MAPK8: variants seen among roughly 807,000 people sequenced by gnomAD.
MAPK8 encodes the protein JUN N-terminal kinase.
A neutral mutation model predicts 52.9 loss-of-function variants in MAPK8; 13 were observed. The observed-to-expected ratio is 0.25, with a 90% CI of 0.16 to 0.39. The LOEUF is 0.39. MAPK8 is among the 10% of genes least tolerant of loss of function. MAPK8 has a pLI of 1.00. For synonymous variants in MAPK8, 191 were observed against 169.8 expected (o/e 1.12, Z -0.97); for missense variants, 300 against 519.2 (o/e 0.58, Z 4.10).
chr10:48,346,554 G>A (rs1845803955), intron 1 of MAPK8, among the ~76,000 whole-genome samples: 1 of 152,148 alleles, frequency 6.6e-6, no homozygotes, highest in Admixed American at 6.5e-5. Flanking sequence ...GAAGCAGGGG[G>A]GAGGGTCTCC....
intron 1 of MAPK8, among the ~76,000 whole-genome samples, chr10:48,335,513 A>G (rs997378507): frequency 6.6e-5 from 10 of 152,220 alleles, no homozygotes; most frequent in Admixed American, 1.3e-4. Flanking sequence ...CAAATTTTGC[A>G]AAATTTTAAT....
chr10:48,404,830 G>T lies in MAPK8; in HGVS notation c.123-22G>T, dbSNP rs1400594552. The T allele has an allele frequency of 3.8e-6, 6 of 1,576,358 alleles. No individual in the cohort carries two copies. In the Admixed American group the frequency reaches 7.7e-5, roughly 20 times the overall value. On this transcript the variant is annotated intron_variant, in intron 2 of 11. Transcript: ENST00000374189. ...ATTTTTGCTTGAAGTTTTTTTGTGTGTTTTTGAATTTCTTATTACAGCGCA... is the reference window on the plus strand; with the variant it reads ...ATTTTTGCTTGAAGTTTTTTTGTGTTTTTTTGAATTTCTTATTACAGCGCA...
intron 1 of MAPK8, among the ~76,000 whole-genome samples, chr10:48,338,822 GAC>G (rs60922989): frequency 0.037 from 5,532 of 151,546 alleles, 282 homozygotes; most frequent in African/African-American, 0.11. Context: ...ATTTACAATA[GAC>G]ACACACAAAC....
At chr10:48,365,514 G>A (rs1847952406) in intron 1 of MAPK8, among the ~76,000 whole-genome samples, 1 of 151,932 alleles carries the variant, frequency 6.6e-6, no homozygotes, top group South Asian at 2.1e-4. Flanking sequence ...CTTTTTTTAT[G>A]TATTATCAGA....
chr10:48,330,057 G>A (rs911788806), intron 1 of MAPK8, among the ~76,000 whole-genome samples: 1 of 152,138 alleles, frequency 6.6e-6, no homozygotes, highest in African/African-American at 2.4e-5. Flanking sequence ...GCACATGTGA[G>A]AGAGATTTAT....
chr10:48,366,943 T>A (rs1564537211), intron 1 of MAPK8, among the ~76,000 whole-genome samples: 1 of 152,204 alleles, frequency 6.6e-6, no homozygotes, highest in Non-Finnish European at 1.5e-5. Context: ...ATTTCAATAT[T>A]GTTTTCCTAA....
At chr10:48,335,188 C>G (rs1844568774) in intron 1 of MAPK8, among the ~76,000 whole-genome samples, 1 of 152,178 alleles carries the variant, frequency 6.6e-6, no homozygotes, top group Admixed American at 6.5e-5. Context: ...CACAATGGCA[C>G]TCTTTTCACC....
intron 1 of MAPK8, among the ~76,000 whole-genome samples, chr10:48,318,818 C>A (rs754256045): frequency 6.6e-6 from 1 of 152,042 alleles, no homozygotes; most frequent in African/African-American, 2.4e-5. Context: ...GGAGGCTAGA[C>A]GAACAAGAAA....
intron 1 of MAPK8, among the ~76,000 whole-genome samples, chr10:48,388,135 C>G (rs1256340756): frequency 1.3e-5 from 2 of 152,138 alleles, no homozygotes; most frequent in Admixed American, 6.6e-5. Context: ...AATGTTCCTT[C>G]TTGCCTGCCA....
At chr10:48,431,970 A>G (rs1589309639) in intron 11 of MAPK8, among the ~76,000 whole-genome samples, 1 of 152,328 alleles carries the variant, frequency 6.6e-6, no homozygotes. Flanking sequence ...TGGATGAGGA[A>G]ACTAAAGTTC....
chr10:48,347,184 C>CA (rs1845873797), intron 1 of MAPK8, among the ~76,000 whole-genome samples: 1 of 152,102 alleles, frequency 6.6e-6, no homozygotes, highest in Non-Finnish European at 1.5e-5. Context: ...TTCCACCCCC[C>CA]ACTAGGCATT....
At chr10:48,359,295 C>T (rs962564474) in intron 1 of MAPK8, among the ~76,000 whole-genome samples, 3 of 152,078 alleles carry the variant, frequency 2.0e-5, no homozygotes, top group Non-Finnish European at 4.4e-5. Flanking sequence ...CACAGGTTTT[C>T]ATTTTTTAAA....
chr10:48,406,001 G>T (rs906742020), intron 3 of MAPK8, among the ~76,000 whole-genome samples: 2 of 152,146 alleles, frequency 1.3e-5, no homozygotes. Flanking sequence ...ACATCACAAA[G>T]CAGTGGCCGT....
At chr10:48,410,510 A>G (rs1291983821) in intron 5 of MAPK8, among the ~76,000 whole-genome samples, 6 of 152,334 alleles carry the variant, frequency 3.9e-5, no homozygotes, top group African/African-American at 1.4e-4. Context: ...ATAATATTCT[A>G]TATACCATAT....
chr10:48,427,425 C>T (rs1318383578), intron 10 of MAPK8: 24 of 316,434 alleles, frequency 7.6e-5, no homozygotes, highest in Admixed American at 5.8e-4. Context: ...CCCACCTCTC[C>T]TCTTCCACCC....
chr10:48,348,942 A>G (rs1357204094), intron 1 of MAPK8, among the ~76,000 whole-genome samples: 1 of 114,522 alleles, frequency 8.7e-6, no homozygotes, highest in Non-Finnish European at 1.9e-5. Context: ...TACCAAGCAA[A>G]TGGAAAGCAA....
At chr10:48,337,113 A>G (rs568899827) in intron 1 of MAPK8, among the ~76,000 whole-genome samples, 5 of 152,304 alleles carry the variant, frequency 3.3e-5, no homozygotes, top group African/African-American at 1.2e-4. Context: ...AGTTTTGACC[A>G]AATGGACGTA....
At position 48,373,571 on chromosome 10, in the gene MAPK8, C is replaced by CAAAAAAAAAAAAAAAAAAAAAAAAAA. The variant is rs539162576; in HGVS notation, c.-49-28039_-49-28014dup. Among the ~76,000 whole-genome samples, 9 of 16,844 alleles carry CAAAAAAAAAAAAAAAAAAAAAAAAAA rather than the reference C, an allele frequency of 5.3e-4. 1 individual carries two copies. The highest frequency in any genetic ancestry group is 1.1e-3 in the African/African-American group (7 of 6,370). 11.1% of individuals were successfully genotyped at this position (16,844 alleles called of 152,430 possible). On this transcript the variant is annotated intron_variant, in intron 1 of 11. Transcript: ENST00000374189. Reference sequence around the variant, plus strand: ...GAAGATTTACCAAGTAAATTGAAAGCAAAAAAAAAAAAAAAAAAAAAAAAA... The same window carrying CAAAAAAAAAAAAAAAAAAAAAAAAAA: ...GAAGATTTACCAAGTAAATTGAAAGCAAAAAAAAAAAAAAAAAAAAAAAAAAAAAAAAAAAAAAAAAAAAAAAAAAA...
intron 1 of MAPK8, among the ~76,000 whole-genome samples, chr10:48,325,204 G>C (rs1228983139): frequency 6.6e-6 from 1 of 152,116 alleles, no homozygotes; most frequent in South Asian, 2.1e-4. Flanking sequence ...TCGAACTCCT[G>C]ACCTCAAGTG....
Sources: allele counts gnomAD v4.1 joint callset (sites outside exome capture counted in the v4.1 genomes callset), GRCh38; gene constraint gnomAD v4.1.1; transcripts MANE v1.5; gene names NCBI Gene and HGNC (gene_info 2026-07-23, HGNC 2026-07-21).